The following SPI1 variants were observed in gnomAD, a reference collection of about 807,000 sequenced individuals.
SPI1 encodes the protein transcription factor PU.1.
Under a neutral mutation model 30.7 loss-of-function variants are expected in SPI1, and 3 were observed. The observed-to-expected ratio is 0.10, with a 90% CI of 0.04 to 0.25. The LOEUF is 0.25. Ranked by LOEUF, SPI1 falls within the 10% of genes least tolerant of loss-of-function variation. The probability of loss-of-function intolerance (pLI) is 1.00; values close to 1 mark genes in which losing one functional copy is unlikely to be tolerated. For synonymous variants in SPI1, 169 were observed against 157.1 expected, an observed-to-expected ratio of 1.08 and a Z score of -0.56; for missense variants, 261 against 371.5, an observed-to-expected ratio of 0.70 and a Z score of 2.45.
intron 2 of SPI1, among the ~76,000 whole-genome samples, chr11:47,364,211 G>A (rs1005044916): frequency 2.0e-5 from 3 of 151,498 alleles, no homozygotes; most frequent in South Asian, 4.2e-4. Flanking sequence ...CACCACGCCC[G>A]GCTAATTTTT....
intron 4 of SPI1, chr11:47,358,586 G>A (rs1413635119): frequency 2.8e-6 from 2 of 703,202 alleles, no homozygotes; most frequent in Non-Finnish European, 5.2e-6. Context: ...CACACACCCA[G>A]ATGTACACAC....
At chr11:47,361,587 G>A (rs1207897775) in intron 2 of SPI1, among the ~76,000 whole-genome samples, 2 of 152,174 alleles carry the variant, frequency 1.3e-5, no homozygotes, top group Admixed American at 1.3e-4. Context: ...TGGTAATAAA[G>A]TGACAAGATC....
Position 47,355,140 on chromosome 11 carries a change from G to C in SPI1, c.*87C>G. On this transcript the variant is annotated 3_prime_UTR_variant, in exon 5 of 5. Coordinates refer to ENST00000378538, the MANE Select transcript of SPI1 (RefSeq NM_003120.3). Reference sequence around the variant, plus strand: ...CCACAGTCCTGCCTCTGGGCCCCGGGAGCGTCCTCCCTGTGTCCGGGCCGG... The same window carrying C: ...CCACAGTCCTGCCTCTGGGCCCCGGCAGCGTCCTCCCTGTGTCCGGGCCGG... The C allele has an allele frequency of 1.8e-6, 2 of 1,102,142 alleles. No individual in the cohort carries two copies. Among genetic ancestry groups the C allele is most frequent in the Non-Finnish European group, 2.3e-6 (2 of 868,396 alleles). The allele number at this position is 1,102,142 out of a possible 1,614,324, so 68.3% of individuals were successfully genotyped here. A position where few individuals can be genotyped will look rare whatever the true frequency, so the allele number is the denominator to read the frequency against.
In SPI1 at chr11:47,375,567, C is replaced by A; in HGVS notation, c.142+66G>T. 1.6e-6 allele frequency: 2 copies of A among 1,222,810 alleles called. No individual in the cohort carries two copies. The highest frequency in any genetic ancestry group is 2.4e-6 in the Non-Finnish European group (2 of 833,702). 75.7% of individuals were successfully genotyped at this position (1,222,810 alleles called of 1,614,324 possible). ...GTCCTGGGAATCATTTATTCTTTTT[C>A]TCTCTCCAGACCCCAGGAGCCCAGG... On this transcript the variant is annotated intron_variant, in intron 2 of 4. Transcript: ENST00000378538. The surrounding 1 kb of genome is among the most constrained non-coding windows in gnomAD (Gnocchi z 4.2).
At chr11:47,365,647 A>C (rs575315244) in intron 2 of SPI1, among the ~76,000 whole-genome samples, 1 of 152,008 alleles carries the variant, frequency 6.6e-6, no homozygotes, top group African/African-American at 2.4e-5. Context: ...TCTGAGAAAC[A>C]AGATGATTAA....
Position 47,354,914 on chromosome 11 carries a change from G to T in SPI1, c.*313C>A. 1 of 271,948 alleles carries T rather than the reference G, an allele frequency of 3.7e-6. No individual in the cohort carries two copies. The highest frequency in any genetic ancestry group is 6.9e-6 in the Non-Finnish European group (1 of 144,256). 16.8% of individuals were successfully genotyped at this position (271,948 alleles called of 1,614,324 possible). ...GGGAGGAGGTTAATGGGTGGGAGGG[G>T]TGAGAGGGGAGATCTGATTTACATA... On this transcript the variant is annotated 3_prime_UTR_variant, in exon 5 of 5. Coordinates refer to ENST00000378538, the MANE Select transcript of SPI1 (RefSeq NM_003120.3).
intron 4 of SPI1, among the ~76,000 whole-genome samples, chr11:47,357,295 C>T (rs187406127): frequency 1.4e-5 from 2 of 147,168 alleles, no homozygotes; most frequent in African/African-American, 2.5e-5. Flanking sequence ...TCACTTATCA[C>T]TCACACGCTC....
intron 2 of SPI1, among the ~76,000 whole-genome samples, chr11:47,370,944 T>C (rs1339427626): frequency 1.3e-5 from 2 of 152,098 alleles, no homozygotes; most frequent in East Asian, 1.9e-4. Flanking sequence ...AAATAAAATA[T>C]ATCTCTAACT....
At chr11:47,369,148 A>G (rs2095932345) in intron 2 of SPI1, among the ~76,000 whole-genome samples, 1 of 152,188 alleles carries the variant, frequency 6.6e-6, no homozygotes, top group Non-Finnish European at 1.5e-5. Context: ...GCTACTCGGG[A>G]GGCTGAGGCA....
rs756375781 is a variant in SPI1, at chr11:47,359,900, C to T, written c.283G>A (p.Val95Ile). Reference sequence around the variant, plus strand: ...GGTGGCACCATGGGGGTATCGAGGACGTGCATCTGCTCCAGCTCCATGTGG... The same window carrying T: ...GGTGGCACCATGGGGGTATCGAGGATGTGCATCTGCTCCAGCTCCATGTGG... ...YRHMELEQMH[V>I]LDTPMVPPHP... Residue 95 changes from valine to isoleucine, a missense_variant, in exon 3 of 5, where the codon GTC becomes ATC. Physicochemically the swap from Val to Ile is conservative, Grantham distance 29. This residue lies in a region of SPI1 where 106 missense variants were observed against 102.0 expected (regional missense o/e 1.04). Coordinates refer to ENST00000378538, the MANE Select transcript of SPI1 (RefSeq NM_003120.3). The surrounding 1 kb of genome is among the most constrained non-coding windows in gnomAD (Gnocchi z 5.1). 5.0e-6 allele frequency: 8 copies of T among 1,610,044 alleles called. No individual in the cohort carries two copies. The highest frequency in any genetic ancestry group is 1.1e-5 in the South Asian group (1 of 91,084).
In SPI1 at chr11:47,375,347, C is replaced by G. The variant is rs948009620; in HGVS notation, c.142+286G>C. ...TGACCTTGTGCAAGTCTCCTAGCAC[C>G]CTAAGCCTGTTTCCTTGTTTATAAA... is the stretch of plus-strand genomic sequence containing the variant. On this transcript the variant is annotated intron_variant, in intron 2 of 4. Transcript: ENST00000378538. This position sits in a 1 kb window ranked among gnomAD's most constrained non-coding sequence, Gnocchi z 4.2. Among the ~76,000 whole-genome samples the G allele has an allele frequency of 6.6e-6, 1 of 152,194 alleles. No homozygotes were observed. Among genetic ancestry groups the G allele is most frequent in the Non-Finnish European group, 1.5e-5 (1 of 68,046 alleles).
At chr11:47,367,075 G>A (rs1261404887) in intron 2 of SPI1, among the ~76,000 whole-genome samples, 1 of 152,164 alleles carries the variant, frequency 6.6e-6, no homozygotes, top group Non-Finnish European at 1.5e-5. Flanking sequence ...GGAGGGCTTG[G>A]TAGGTAGAGG....
At chr11:47,376,230 C>G (rs1257991555) in intron 1 of SPI1, among the ~76,000 whole-genome samples, 1 of 152,046 alleles carries the variant, frequency 6.6e-6, no homozygotes, top group African/African-American at 2.4e-5. Context: ...ATTGTACACT[C>G]AGCTCATGCA....
At chr11:47,377,044 G>A (rs574812589) in intron 1 of SPI1, among the ~76,000 whole-genome samples, 5 of 152,214 alleles carry the variant, frequency 3.3e-5, no homozygotes, top group Non-Finnish European at 5.9e-5. Flanking sequence ...TGCCTGGGCC[G>A]CCCACTTCGT....
In SPI1 at chr11:47,355,198, C is replaced by A; in HGVS notation, c.*29G>T. On this transcript the variant is annotated 3_prime_UTR_variant, in exon 5 of 5. Transcript: ENST00000378538. ...CTTAATGCTATGGCCAGCGGGGAGG[C>A]CTGGCGGGGCCCGGCGGGGGCTGCG... is the stretch of plus-strand genomic sequence containing the variant. 3.0e-6 allele frequency: 4 copies of A among 1,320,878 alleles called. No individual in the cohort carries two copies. Among genetic ancestry groups the A allele is most frequent in the Non-Finnish European group, 3.8e-6 (4 of 1,040,270 alleles). 81.8% of individuals were successfully genotyped at this position (1,320,878 alleles called of 1,614,324 possible).
rs919902184 is a variant in SPI1, at chr11:47,359,742, G to A, written c.330+111C>T. The A allele has an allele frequency of 3.9e-6, 5 of 1,270,634 alleles. No homozygotes were observed. Among genetic ancestry groups the A allele is most frequent in the Non-Finnish European group, 5.5e-6 (5 of 914,092 alleles). The allele number at this position is 1,270,634 out of a possible 1,614,324, so 78.7% of individuals were successfully genotyped here. On this transcript the variant is annotated intron_variant, in intron 3 of 4. Coordinates refer to ENST00000378538, the MANE Select transcript of SPI1 (RefSeq NM_003120.3). The surrounding 1 kb of genome is among the most constrained non-coding windows in gnomAD (Gnocchi z 5.1). ...GAGCTCCAGCCGCCGTTGGCACTGT[G>A]GGGCAGGAAGCTGAGTTGGGTAAGA...
In SPI1 at chr11:47,359,121, G is replaced by T; in HGVS notation, c.331-115C>A. 1.1e-6 allele frequency: 1 copy of T among 898,712 alleles called. No individual in the cohort carries two copies. The highest frequency in any genetic ancestry group is 1.6e-6 in the Non-Finnish European group (1 of 631,358). The allele number at this position is 898,712 out of a possible 1,614,324, so 55.7% of individuals were successfully genotyped here. ...GTGCAGAGGGCAGGGGACAATGGCA[G>T]GCACAGGAGACTGGAGGAAGAAGAC... On this transcript the variant is annotated intron_variant, in intron 3 of 4. Coordinates refer to ENST00000378538, the MANE Select transcript of SPI1 (RefSeq NM_003120.3). The surrounding 1 kb of genome is among the most constrained non-coding windows in gnomAD (Gnocchi z 5.1).
intron 2 of SPI1, among the ~76,000 whole-genome samples, chr11:47,369,864 G>T (rs552038052): frequency 6.6e-6 from 1 of 152,328 alleles, no homozygotes; most frequent in East Asian, 1.9e-4. Context: ...AGACGACCAT[G>T]ATAACAAATC....
intron 2 of SPI1, among the ~76,000 whole-genome samples, chr11:47,361,690 T>C (rs1278176935): frequency 6.6e-6 from 1 of 152,212 alleles, no homozygotes; most frequent in Non-Finnish European, 1.5e-5. Context: ...TGCGTGCGTG[T>C]GTACGTGTGT....
Sources: gnomAD v4.1 joint callset for allele counts (sites outside exome capture counted in the v4.1 genomes callset) on GRCh38, gnomAD v4.1.1 for gene constraint, gnomAD v4.1.1 regional missense constraint, Gnocchi (gnomAD v3.1) non-coding constraint, MANE v1.5 for transcripts, NCBI Gene and HGNC (gene_info 2026-07-23, HGNC 2026-07-21) for gene names.